The following RFX3 variants were observed in gnomAD, a reference collection of about 807,000 sequenced individuals.
RFX3 encodes the protein transcription factor RFX3.
RFX3 carries 14 observed loss-of-function variants against 98.6 expected under a neutral mutation model. The observed-to-expected ratio is 0.14, with a 90% confidence interval of 0.09 to 0.22. RFX3 has a LOEUF of 0.22. Among genes scored for constraint, RFX3 ranks in the 10% least tolerant of loss-of-function variants. The pLI is 1.00. For synonymous variants in RFX3, 383 were observed against 328.4 expected (o/e 1.17, Z -1.80); for missense variants, 639 against 926.9 (o/e 0.69, Z 4.03).
chr9:3,419,335 T>A (rs1033123450), intron 1 of RFX3, among the ~76,000 whole-genome samples: 1 of 152,230 alleles, frequency 6.6e-6, no homozygotes, highest in Non-Finnish European at 1.5e-5. Flanking sequence ...AGTTTTTATT[T>A]TTTCTTTAAT....
chr9:3,256,736 C>G (rs149747010), intron 14 of RFX3, among the ~76,000 whole-genome samples: 24 of 152,262 alleles, frequency 1.6e-4, no homozygotes, highest in African/African-American at 5.5e-4. Flanking sequence ...CTCAGACGTT[C>G]CCATCTGAGG....
chr9:3,297,859 G>A (rs947420012), intron 5 of RFX3, among the ~76,000 whole-genome samples: 2 of 151,708 alleles, frequency 1.3e-5, no homozygotes, highest in African/African-American at 2.4e-5. Flanking sequence ...AATTTCATGC[G>A]ATTATTGGGA....
At chr9:3,260,782 T>C (rs1326855584) in intron 13 of RFX3, among the ~76,000 whole-genome samples, 1 of 151,214 alleles carries the variant, frequency 6.6e-6, no homozygotes, top group African/African-American at 2.4e-5. Flanking sequence ...GATTATGTAC[T>C]TGTATGTGTG....
intron 3 of RFX3, among the ~76,000 whole-genome samples, chr9:3,335,134 T>A (rs1254566470): frequency 1.3e-5 from 2 of 151,314 alleles, no homozygotes; most frequent in Non-Finnish European, 2.9e-5. Context: ...ATAATAATAA[T>A]AAAATAATAA....
chr9:3,518,123 A>G (rs546597428), intron 1 of RFX3, among the ~76,000 whole-genome samples: 3 of 152,352 alleles, frequency 2.0e-5, no homozygotes, highest in Non-Finnish European at 4.4e-5. Flanking sequence ...TATACTATAT[A>G]GCATAGGCGT....
intron 15 of RFX3, among the ~76,000 whole-genome samples, chr9:3,244,371 T>C (rs946936028): frequency 2.0e-5 from 3 of 152,208 alleles, no homozygotes; most frequent in African/African-American, 7.2e-5. Context: ...TGGTGAGTTA[T>C]TAACATATAT....
chr9:3,224,929 G>A lies in RFX3; in HGVS notation c.*113C>T. On this transcript the variant is annotated 3_prime_UTR_variant, in exon 17 of 17. Coordinates refer to ENST00000617270, the MANE Select transcript of RFX3 (RefSeq NM_001282116.2). ...CATTTCACAACTCCAAAAAGTTAAT[G>A]TTCAGCACAGATAGAATTTGACAAC... 9.2e-7 allele frequency: 1 copy of A among 1,084,140 alleles called. No homozygotes were observed. Among genetic ancestry groups the A allele is most frequent in the Non-Finnish European group, 1.4e-6 (1 of 736,844 alleles). The allele number at this position is 1,084,140 out of a possible 1,614,324, so 67.2% of individuals were successfully genotyped here.
At chr9:3,326,015 T>C (rs1587078125) in intron 4 of RFX3, among the ~76,000 whole-genome samples, 1 of 152,128 alleles carries the variant, frequency 6.6e-6, no homozygotes, top group Non-Finnish European at 1.5e-5. Context: ...CCCTAACATA[T>C]TCAGGTCGCA....
intron 1 of RFX3, among the ~76,000 whole-genome samples, chr9:3,505,093 ATATT>A (rs1331567861): frequency 1.0e-5 from 1 of 96,294 alleles, no homozygotes; most frequent in Non-Finnish European, 1.8e-5. Context: ...AATATTTTAT[ATATT>A]TAGATTTATT....
At chr9:3,261,810 T>C (rs1183965586) in intron 13 of RFX3, among the ~76,000 whole-genome samples, 1 of 152,254 alleles carries the variant, frequency 6.6e-6, no homozygotes, top group African/African-American at 2.4e-5. Flanking sequence ...CAATAGGGTA[T>C]GTTATTATAT....
intron 1 of RFX3, among the ~76,000 whole-genome samples, chr9:3,510,332 A>C (rs1817549531): frequency 6.6e-6 from 1 of 151,892 alleles, no homozygotes; most frequent in Non-Finnish European, 1.5e-5. Flanking sequence ...GCCCCCCCCA[A>C]AAAAAGCAAC....
intron 4 of RFX3, among the ~76,000 whole-genome samples, chr9:3,315,597 G>T (rs1830491067): frequency 6.6e-6 from 1 of 152,012 alleles, no homozygotes; most frequent in Admixed American, 6.6e-5. Flanking sequence ...CTGGCTTTTT[G>T]AAAAGATCAA....
At chr9:3,397,320 G>A (rs137968367) in intron 1 of RFX3, among the ~76,000 whole-genome samples, 13 of 152,324 alleles carry the variant, frequency 8.5e-5, no homozygotes, top group African/African-American at 1.7e-4. Context: ...GAGAAACAGT[G>A]TTTAATTGGT....
chr9:3,407,851 T>C (rs142581189), intron 1 of RFX3, among the ~76,000 whole-genome samples: 62 of 152,264 alleles, frequency 4.1e-4, no homozygotes, highest in African/African-American at 1.5e-3. Context: ...GATTGAATCA[T>C]GGAATATTCA....
chr9:3,385,074 G>A (rs914877368), intron 2 of RFX3, among the ~76,000 whole-genome samples: 2 of 152,144 alleles, frequency 1.3e-5, no homozygotes, highest in Non-Finnish European at 2.9e-5. Flanking sequence ...TATACATTGA[G>A]ATCTATTAGA....
chr9:3,443,240 C>T (rs1209428200), intron 1 of RFX3, among the ~76,000 whole-genome samples: 2 of 152,110 alleles, frequency 1.3e-5, no homozygotes, highest in Non-Finnish European at 2.9e-5. Context: ...GCAGGATGTG[C>T]AGGTTTGTTA....
intron 2 of RFX3, among the ~76,000 whole-genome samples, chr9:3,383,193 T>C (rs1839372830): frequency 6.6e-6 from 1 of 152,164 alleles, no homozygotes; most frequent in South Asian, 2.1e-4. Context: ...TTATTGATGT[T>C]CATACTTAGA....
At chr9:3,415,161 A>G (rs146199949) in intron 1 of RFX3, among the ~76,000 whole-genome samples, 1 of 139,106 alleles carries the variant, frequency 7.2e-6, no homozygotes, top group South Asian at 2.2e-4. Context: ...ATATTCTTAT[A>G]TATATATACT....
chr9:3,353,232 G>A (rs1835369257), intron 2 of RFX3, among the ~76,000 whole-genome samples: 2 of 151,068 alleles, frequency 1.3e-5, no homozygotes, highest in Admixed American at 1.3e-4. Flanking sequence ...AGCATTAGGA[G>A]ATATACCTAA....
Sources: allele counts gnomAD v4.1 joint callset (sites outside exome capture counted in the v4.1 genomes callset), GRCh38; gene constraint gnomAD v4.1.1; transcripts MANE v1.5; gene names NCBI Gene and HGNC (gene_info 2026-07-23, HGNC 2026-07-21).